DIAPH2: variants seen among roughly 807,000 people sequenced by gnomAD.
DIAPH2 encodes the protein protein diaphanous homolog 2.
Under a neutral mutation model 92.7 loss-of-function variants are expected in DIAPH2, and 35 were observed. The ratio of observed to expected loss-of-function variants is 0.38; its 90% CI spans 0.29 to 0.50. The LOEUF (loss-of-function observed/expected upper bound fraction) is 0.50. Among genes scored for constraint, DIAPH2 ranks in the 20% least tolerant of loss-of-function variants. The probability of loss-of-function intolerance (pLI) is 0.94; values close to 1 mark genes in which losing one functional copy is unlikely to be tolerated. For missense variants in DIAPH2, 701 were observed against 819.5 expected, an observed-to-expected ratio of 0.86 and a Z score of 1.77; for synonymous variants, 301 against 280.4, an observed-to-expected ratio of 1.07 and a Z score of -0.73.
At chrX:97,104,288 T>C (rs1232678848) in intron 20 of DIAPH2, among the ~76,000 whole-genome samples, 1 of 111,995 alleles carries the variant, frequency 8.9e-6, no homozygotes, top group Non-Finnish European at 1.9e-5. Context: ...TCTGTATCTA[T>C]ATGGCATTTG....
At chrX:97,162,164 T>G (rs1007860353) in intron 22 of DIAPH2, among the ~76,000 whole-genome samples, 38 of 111,175 alleles carry the variant, frequency 3.4e-4, no homozygotes, top group African/African-American at 1.2e-3. Context: ...CCCCACTAAT[T>G]CTCTCTTTAC....
chrX:96,740,641 A>T (rs1265547930), intron 3 of DIAPH2, among the ~76,000 whole-genome samples: 1 of 111,584 alleles, frequency 9.0e-6, no homozygotes, highest in African/African-American at 3.3e-5. Context: ...TAACTGTTAC[A>T]TTTGTGTCCT....
intron 1 of DIAPH2, among the ~76,000 whole-genome samples, chrX:96,717,279 C>T (rs1038128315): frequency 1.2e-4 from 13 of 111,220 alleles, no homozygotes; most frequent in Non-Finnish European, 2.1e-4. Flanking sequence ...ATGTAGTCTT[C>T]TGTTGTTGGG....
At chrX:96,997,312 C>T (rs960166818) in intron 17 of DIAPH2, among the ~76,000 whole-genome samples, 20 of 111,156 alleles carry the variant, frequency 1.8e-4, no homozygotes, top group African/African-American at 6.2e-4. Context: ...ATGTATGCAT[C>T]CTAGAGATGC....
intron 26 of DIAPH2, among the ~76,000 whole-genome samples, chrX:97,547,900 C>T (rs2071192982): frequency 8.9e-6 from 1 of 112,131 alleles, no homozygotes; most frequent in South Asian, 3.7e-4. Context: ...ATTCTGAACC[C>T]TTTGTTTGAT....
chrX:97,528,025 A>T (rs1307127786), intron 26 of DIAPH2, among the ~76,000 whole-genome samples: 1 of 111,656 alleles, frequency 9.0e-6, no homozygotes, highest in African/African-American at 3.3e-5. Context: ...TTTTGAGAAG[A>T]GGGGGCTTAT....
chrX:96,993,181 G>C (rs981630506), intron 17 of DIAPH2, among the ~76,000 whole-genome samples: 1 of 112,044 alleles, frequency 8.9e-6, no homozygotes, highest in African/African-American at 3.2e-5. Context: ...CTTGTCATAG[G>C]ATTATTGGTG....
At chrX:96,935,819 T>C (rs1417370334) in intron 10 of DIAPH2, among the ~76,000 whole-genome samples, 1 of 112,058 alleles carries the variant, frequency 8.9e-6, no homozygotes, top group Non-Finnish European at 1.9e-5. Context: ...TAAATTTTTC[T>C]GTTTTTCTGA....
At chrX:97,454,849 G>A (rs2070390098) in intron 26 of DIAPH2, among the ~76,000 whole-genome samples, 2 of 104,149 alleles carry the variant, frequency 1.9e-5, no homozygotes, top group Admixed American at 1.0e-4. Context: ...GTGAGACTTC[G>A]TCTCAAAAAA....
At chrX:96,967,201 C>T (rs1047449574) in intron 17 of DIAPH2, among the ~76,000 whole-genome samples, 3 of 110,375 alleles carry the variant, frequency 2.7e-5, no homozygotes, top group Admixed American at 1.9e-4. Context: ...TTCCCTCCCT[C>T]TGTTCTCTAT....
At chrX:96,695,097 A>G (rs890657120) in intron 1 of DIAPH2, among the ~76,000 whole-genome samples, 1 of 110,826 alleles carries the variant, frequency 9.0e-6, no homozygotes, top group Non-Finnish European at 1.9e-5. Context: ...ACAGGTGTAC[A>G]TCACCCCACC....
chrX:97,338,922 G>C (rs1371362465), intron 23 of DIAPH2, among the ~76,000 whole-genome samples: 1 of 111,613 alleles, frequency 9.0e-6, no homozygotes, highest in African/African-American at 3.3e-5. Context: ...AGAGGGCAAG[G>C]GGGTATAACA....
chrX:97,315,397 G>A (rs867928354), intron 23 of DIAPH2, among the ~76,000 whole-genome samples: 3 of 111,914 alleles, frequency 2.7e-5, no homozygotes, highest in Middle Eastern at 9.2e-3. Flanking sequence ...TGTGTTTTAA[G>A]CATTTTTACT....
At chrX:97,284,989 T>C (rs1046991227) in intron 23 of DIAPH2, among the ~76,000 whole-genome samples, 3 of 111,590 alleles carry the variant, frequency 2.7e-5, no homozygotes, top group African/African-American at 9.8e-5. Context: ...ATTAAAGATA[T>C]CAGTTTCCTA....
At chrX:96,734,530 T>C (rs776859411) in intron 1 of DIAPH2, among the ~76,000 whole-genome samples, 1 of 111,785 alleles carries the variant, frequency 8.9e-6, no homozygotes, top group East Asian at 2.8e-4. Flanking sequence ...GAATTCATCC[T>C]TCTTAAAGTG....
At chrX:97,477,020 CACACAT>C (rs2070613752) in intron 26 of DIAPH2, among the ~76,000 whole-genome samples, 4 of 97,097 alleles carry the variant, frequency 4.1e-5, no homozygotes, top group African/African-American at 1.5e-4. Flanking sequence ...CACACACACA[CACACAT>C]ACACACACAC....
At chrX:96,818,139 C>T (rs5949469) in intron 4 of DIAPH2, among the ~76,000 whole-genome samples, 7,318 of 41,925 alleles carry the variant, frequency 0.17, 1,780 homozygotes, top group African/African-American at 0.5. Context: ...CCAAAACGCC[C>T]GGCTAAATTT....
At chrX:96,694,947 C>CTTT (rs781695336) in intron 1 of DIAPH2, among the ~76,000 whole-genome samples, 2 of 90,209 alleles carry the variant, frequency 2.2e-5, no homozygotes, top group African/African-American at 4.1e-5. Context: ...AGCTAATGGT[C>CTTT]TTTTTTTTTT....
intron 4 of DIAPH2, among the ~76,000 whole-genome samples, chrX:96,869,279 T>C (rs1032822548): frequency 9.1e-6 from 1 of 110,417 alleles, no homozygotes; most frequent in Non-Finnish European, 1.9e-5. Flanking sequence ...AATAGTCTTC[T>C]CAGGCCGGAC....
Sources: gnomAD v4.1 joint callset for allele counts (sites outside exome capture counted in the v4.1 genomes callset) on GRCh38, gnomAD v4.1.1 for gene constraint, MANE v1.5 for transcripts, NCBI Gene and HGNC (gene_info 2026-07-23, HGNC 2026-07-21) for gene names.